The following LCORL variants were observed in gnomAD, a reference collection of about 807,000 sequenced individuals.
The protein encoded by LCORL is ligand-dependent nuclear receptor corepressor-like protein.
Under a neutral mutation model 141.8 loss-of-function variants are expected in LCORL, and 41 were observed. That is an observed-to-expected ratio of 0.29 (90% CI 0.23 to 0.38). The LOEUF is 0.38. Among genes scored for constraint, LCORL ranks in the 10% least tolerant of loss-of-function variants. The probability of loss-of-function intolerance (pLI) is 1.00; values close to 1 mark genes in which losing one functional copy is unlikely to be tolerated. For missense variants in LCORL, 1,759 were observed against 2,035.0 expected (o/e 0.86, Z 2.61); for synonymous variants, 618 against 694.1 (o/e 0.89, Z 1.72).
At chr4:17,915,075 C>T (rs892954535) in intron 4 of LCORL, among the ~76,000 whole-genome samples, 2 of 152,032 alleles carry the variant, frequency 1.3e-5, no homozygotes, top group Non-Finnish European at 2.9e-5. Flanking sequence ...CCTCTTCTCC[C>T]CTCCTTTTAT....
intron 4 of LCORL, among the ~76,000 whole-genome samples, chr4:17,954,339 G>A (rs1239004867): frequency 6.6e-6 from 1 of 152,148 alleles, no homozygotes; most frequent in African/African-American, 2.4e-5. Context: ...GTAACAGCAA[G>A]TCTAAAGATC....
chr4:17,897,213 CTTTTTTTTTTT>C (rs761784734), intron 5 of LCORL, among the ~76,000 whole-genome samples: 4,240 of 63,962 alleles, frequency 0.066, 327 homozygotes, highest in African/African-American at 0.17. Context: ...ATACTGATTT[CTTTTTTTTTTT>C]TTTTTTTTTT....
chr4:17,843,707 CTT>C (rs746631602), exon 8 of LCORL: 3 of 210,600 alleles, frequency 1.4e-5, no homozygotes, highest in African/African-American at 2.3e-5. Context: ...CTTATGAACT[CTT>C]TATGTTTAAA....
At chr4:17,981,596 G>C (rs1028931608) in intron 1 of LCORL, among the ~76,000 whole-genome samples, 1 of 151,930 alleles carries the variant, frequency 6.6e-6, no homozygotes, top group Non-Finnish European at 1.5e-5. Context: ...AAATTAGCTG[G>C]GGGTGGTGGC....
At chr4:17,895,024 TATATATATA>T (rs932016459) in intron 5 of LCORL, among the ~76,000 whole-genome samples, 1 of 149,076 alleles carries the variant, frequency 6.7e-6, no homozygotes, top group African/African-American at 2.4e-5. Context: ...TATATATGTT[TATATATATA>T]ATATATATAA....
intron 5 of LCORL, among the ~76,000 whole-genome samples, chr4:17,906,217 G>A (rs1731587746): frequency 6.6e-6 from 1 of 152,122 alleles, no homozygotes; most frequent in South Asian, 2.1e-4. Context: ...TGTTTGGTAT[G>A]CAAGTAGACA....
intron 1 of LCORL, among the ~76,000 whole-genome samples, chr4:18,017,595 T>C (rs1724830139): frequency 1.3e-5 from 2 of 152,054 alleles, no homozygotes; most frequent in African/African-American, 2.4e-5. Flanking sequence ...TAAATTCAAA[T>C]TGAGGGACAT....
chr4:17,982,244 G>A (rs1226933254), intron 1 of LCORL, among the ~76,000 whole-genome samples: 1 of 152,042 alleles, frequency 6.6e-6, no homozygotes, highest in Non-Finnish European at 1.5e-5. Context: ...ACATATGCGT[G>A]CATGTGTCTT....
exon 8 of LCORL, chr4:17,842,368 C>G (rs753639012): frequency 1.9e-6 from 3 of 1,611,696 alleles, no homozygotes; most frequent in Admixed American, 3.3e-5. Context: ...CTGCTGAAGC[C>G]GACTCTGAAA....
In LCORL at chr4:17,883,494, G is replaced by C. The variant is rs1727854178; in HGVS notation, c.776+2574C>G. The C allele has an allele frequency of 3.2e-6, 4 of 1,245,582 alleles. No individual in the cohort carries two copies. In the South Asian group the frequency reaches 1.1e-4, roughly 34 times the overall value. The allele number at this position is 1,245,582 out of a possible 1,614,324, so 77.2% of individuals were successfully genotyped here. On this transcript the variant is annotated intron_variant, in intron 6 of 7. Coordinates refer to ENST00000635767, the Ensembl canonical transcript of LCORL. ...ATTAAATACAAACTATCAGAATTAA[G>C]TAAGCAACTATATAATTCTGTCCAC...
At position 17,884,625 on chromosome 4, in the gene LCORL, C is replaced by T; in HGVS notation, c.776+1443G>A. 3.9e-6 allele frequency: 6 copies of T among 1,547,794 alleles called. No individual in the cohort carries two copies. The highest frequency in any genetic ancestry group is 5.2e-6 in the Non-Finnish European group (6 of 1,145,344). ...AGAAGTAAAGTTTTTTGAGGTATGC[C>T]ATAAAGTATGCCTGCTTTATTTATG... On this transcript the variant is annotated intron_variant, in intron 6 of 7. Coordinates refer to ENST00000635767, the Ensembl canonical transcript of LCORL. This position sits in a 1 kb window ranked among gnomAD's most constrained non-coding sequence, Gnocchi z 4.4.
At chr4:17,918,515 T>C (rs1212675724) in intron 4 of LCORL, among the ~76,000 whole-genome samples, 2 of 152,234 alleles carry the variant, frequency 1.3e-5, no homozygotes, top group East Asian at 3.9e-4. Flanking sequence ...TATAAAGTTA[T>C]AATAAAGAAC....
Position 17,884,731 on chromosome 4 carries a change from C to G in LCORL, c.776+1337G>C. On this transcript the variant is annotated intron_variant, in intron 6 of 7. Transcript: ENST00000635767. This position sits in a 1 kb window ranked among gnomAD's most constrained non-coding sequence, Gnocchi z 4.4. ...ACTCAGCACTTCTTTCCACATAGTC[C>G]TCTCTGTTTCTGTGTAGTCTCCTGG... is the stretch of plus-strand genomic sequence containing the variant. The G allele has an allele frequency of 6.8e-7, 1 of 1,480,790 alleles. No homozygotes were observed. Among genetic ancestry groups the G allele is most frequent in the Non-Finnish European group, 8.9e-7 (1 of 1,117,360 alleles). The allele number at this position is 1,480,790 out of a possible 1,614,324, so 91.7% of individuals were successfully genotyped here. A position where few individuals can be genotyped will look rare whatever the true frequency, so the allele number is the denominator to read the frequency against.
At chr4:17,913,503 A>G (rs1034969788) in intron 4 of LCORL, among the ~76,000 whole-genome samples, 2 of 152,234 alleles carry the variant, frequency 1.3e-5, no homozygotes, top group Admixed American at 6.5e-5. Context: ...TTATGGCAAC[A>G]GTTTTTTGGA....
chr4:17,965,471 T>C (rs16896164), intron 2 of LCORL, among the ~76,000 whole-genome samples: 37,031 of 152,094 alleles, frequency 0.24, 5,870 homozygotes, highest in African/African-American at 0.45. Flanking sequence ...TTTTTGAAAC[T>C]GTAATGCATA....
intron 7 of LCORL, among the ~76,000 whole-genome samples, chr4:17,868,053 C>G (rs1376942890): frequency 6.6e-6 from 1 of 152,124 alleles, no homozygotes; most frequent in Non-Finnish European, 1.5e-5. Flanking sequence ...TTAACAGAAT[C>G]AAATCTTAAC....
intron 7 of LCORL, among the ~76,000 whole-genome samples, chr4:17,855,169 CTTCAGAAACTAATGAACACTGCACTGT>C (rs1724206672): frequency 6.6e-6 from 1 of 152,100 alleles, no homozygotes. Flanking sequence ...AACCAACAAT[CTTCAGAAACTAATGAACACTGCACTGT>C]TATGCAACTT....
intron 7 of LCORL, among the ~76,000 whole-genome samples, chr4:17,863,633 C>T (rs558781404): frequency 6.6e-6 from 1 of 152,328 alleles, no homozygotes; most frequent in South Asian, 2.1e-4. Flanking sequence ...ATCCAGCAAT[C>T]CCATTACTGG....
intron 1 of LCORL, among the ~76,000 whole-genome samples, chr4:17,978,149 C>T (rs867900298): frequency 1.1e-4 from 16 of 152,272 alleles, no homozygotes; most frequent in African/African-American, 3.8e-4. Flanking sequence ...CTCCCAATTA[C>T]GAATCGTATT....
Sources: gnomAD v4.1 joint callset for allele counts (sites outside exome capture counted in the v4.1 genomes callset) on GRCh38, gnomAD v4.1.1 for gene constraint, Gnocchi (gnomAD v3.1) non-coding constraint, MANE v1.5 for transcripts, NCBI Gene and HGNC (gene_info 2026-07-23, HGNC 2026-07-21) for gene names.